The following SLC6A11 variants were observed in gnomAD, a reference collection of about 807,000 sequenced individuals.
SLC6A11 encodes solute carrier family 6 member 11.
Under a neutral mutation model 74.8 loss-of-function variants are expected in SLC6A11, and 25 were observed. The ratio of observed to expected loss-of-function variants is 0.33; its 90% CI spans 0.24 to 0.47. SLC6A11 has a LOEUF of 0.47. Ranked by LOEUF, SLC6A11 falls within the 20% of genes least tolerant of loss-of-function variation. The pLI, the probability that SLC6A11 is intolerant of heterozygous loss-of-function variation, is 1.00. For synonymous variants in SLC6A11, 330 were observed against 330.2 expected (o/e 1.00, Z 0.01); for missense variants, 574 against 837.0 (o/e 0.69, Z 3.88).
chr3:10,873,643 T>TG (rs1233366043), intron 5 of SLC6A11, among the ~76,000 whole-genome samples: 1 of 142,300 alleles, frequency 7.0e-6, no homozygotes, highest in Non-Finnish European at 1.5e-5. Flanking sequence ...TCCTGTCCTG[T>TG]CCTGTCCATC....
At chr3:10,891,837 G>A (rs1009590883) in intron 6 of SLC6A11, among the ~76,000 whole-genome samples, 1 of 152,162 alleles carries the variant, frequency 6.6e-6, no homozygotes, top group African/African-American at 2.4e-5. Flanking sequence ...CACTAATTTT[G>A]TGTCCTTGGG....
intron 5 of SLC6A11, among the ~76,000 whole-genome samples, chr3:10,856,217 TTG>T (rs2106592057): frequency 6.6e-6 from 1 of 152,230 alleles, no homozygotes; most frequent in African/African-American, 2.4e-5. Context: ...TTGATAGAAA[TTG>T]TGTGTGATTC....
chr3:10,837,498 C>T (rs796310228), intron 4 of SLC6A11, among the ~76,000 whole-genome samples: 9 of 152,300 alleles, frequency 5.9e-5, no homozygotes, highest in African/African-American at 2.2e-4. Context: ...GATCTGTCCC[C>T]ACTTTCTGGG....
At position 10,938,445 on chromosome 3, in the gene SLC6A11, C is replaced by T. The variant is rs368690931; in HGVS notation, c.*43C>T. The T allele has an allele frequency of 4.6e-5, 71 of 1,542,370 alleles. 1 individual carries two copies. Among genetic ancestry groups the T allele is most frequent in the African/African-American group, 2.6e-4 (19 of 73,196 alleles). ...GGGGCTCTTCTTCCTTTCTTCCCCC[C>T]GTGTATGTAAATGAATTCCTGAACC... On this transcript the variant is annotated 3_prime_UTR_variant, in exon 14 of 14. Coordinates refer to ENST00000254488, the MANE Select transcript of SLC6A11 (RefSeq NM_014229.3).
chr3:10,930,255 G>T (rs1303913837), intron 10 of SLC6A11, among the ~76,000 whole-genome samples: 4 of 152,064 alleles, frequency 2.6e-5, no homozygotes, highest in Non-Finnish European at 5.9e-5. Flanking sequence ...CCAGCTCCTA[G>T]CACTTTGTTT....
chr3:10,929,877 A>T (rs1695662524), intron 10 of SLC6A11, among the ~76,000 whole-genome samples: 1 of 152,086 alleles, frequency 6.6e-6, no homozygotes, highest in African/African-American at 2.4e-5. Flanking sequence ...ATGACCTCCA[A>T]ATTAAGACCA....
intron 4 of SLC6A11, among the ~76,000 whole-genome samples, chr3:10,827,656 C>T (rs929442345): frequency 3.3e-5 from 5 of 152,156 alleles, no homozygotes; most frequent in African/African-American, 1.2e-4. Context: ...AACATCTGAG[C>T]TCCTGGTACA....
intron 5 of SLC6A11, among the ~76,000 whole-genome samples, chr3:10,869,863 C>T (rs929159451): frequency 6.6e-6 from 1 of 151,518 alleles, no homozygotes; most frequent in African/African-American, 2.4e-5. Context: ...CCAGCAATGG[C>T]GGTAAAAAGG....
At chr3:10,854,144 T>C (rs1345105472) in intron 5 of SLC6A11, among the ~76,000 whole-genome samples, 1 of 152,170 alleles carries the variant, frequency 6.6e-6, no homozygotes, top group East Asian at 1.9e-4. Flanking sequence ...TCCCAACACT[T>C]TGGGAGGCTG....
At chr3:10,836,270 T>G (rs1345115191) in intron 4 of SLC6A11, among the ~76,000 whole-genome samples, 1 of 152,258 alleles carries the variant, frequency 6.6e-6, no homozygotes, top group Non-Finnish European at 1.5e-5. Flanking sequence ...CATCAGTTGA[T>G]GGACATTTGG....
chr3:10,850,728 G>A (rs1198538411), intron 5 of SLC6A11, among the ~76,000 whole-genome samples: 2 of 152,140 alleles, frequency 1.3e-5, no homozygotes, highest in African/African-American at 2.4e-5. Context: ...AGGCGTCATC[G>A]AATTTTTTCT....
intron 8 of SLC6A11, among the ~76,000 whole-genome samples, chr3:10,922,043 C>A (rs1287747228): frequency 2.0e-5 from 3 of 152,094 alleles, no homozygotes; most frequent in Non-Finnish European, 4.4e-5. Flanking sequence ...GATTTTAACA[C>A]CCCTCTTTAA....
chr3:10,930,985 C>T (rs982361947), intron 10 of SLC6A11, among the ~76,000 whole-genome samples: 5 of 152,180 alleles, frequency 3.3e-5, no homozygotes, highest in African/African-American at 9.7e-5. Context: ...CCAAATGGGC[C>T]GTGCCACCTT....
At chr3:10,923,816 C>T (rs1695566471) in intron 8 of SLC6A11, among the ~76,000 whole-genome samples, 1 of 151,998 alleles carries the variant, frequency 6.6e-6, no homozygotes, top group African/African-American at 2.4e-5. Context: ...TAACCTTAAC[C>T]TTAAGTGATC....
intron 4 of SLC6A11, among the ~76,000 whole-genome samples, chr3:10,839,268 A>G (rs1267177551): frequency 6.6e-6 from 1 of 152,146 alleles, no homozygotes; most frequent in Non-Finnish European, 1.5e-5. Context: ...CCACCTCTCC[A>G]TAACTCATCA....
chr3:10,864,935 C>A (rs9851587), intron 5 of SLC6A11, among the ~76,000 whole-genome samples: 5,358 of 152,276 alleles, frequency 0.035, 309 homozygotes, highest in African/African-American at 0.12. Context: ...TCCACTGCTG[C>A]CCCCATCTAT....
At chr3:10,818,785 A>G (rs1240206178) in intron 1 of SLC6A11, among the ~76,000 whole-genome samples, 2 of 152,198 alleles carry the variant, frequency 1.3e-5, no homozygotes, top group Non-Finnish European at 2.9e-5. Context: ...TTTTTCACAG[A>G]AAGGCCCAGG....
chr3:10,873,627 A>ATCCTATCCTATCCTG (rs138507797), intron 5 of SLC6A11, among the ~76,000 whole-genome samples: 4 of 135,958 alleles, frequency 2.9e-5, no homozygotes, highest in African/African-American at 1.2e-4. Flanking sequence ...ATCCTATCCT[A>ATCCTATCCTATCCTG]TCCTGTCCTG....
At chr3:10,910,877 A>T (rs1695377164) in intron 6 of SLC6A11, among the ~76,000 whole-genome samples, 1 of 143,844 alleles carries the variant, frequency 7.0e-6, no homozygotes. Context: ...GGCTGGAGTG[A>T]AGTGGTGTGA....
Sources: allele counts gnomAD v4.1 joint callset (sites outside exome capture counted in the v4.1 genomes callset), GRCh38; gene constraint gnomAD v4.1.1; transcripts MANE v1.5; gene names NCBI Gene and HGNC (gene_info 2026-07-23, HGNC 2026-07-21).